The following WDR11 variants were observed in gnomAD, a reference collection of about 807,000 sequenced individuals.
WDR11 encodes WD repeat domain 11.
A neutral mutation model predicts 151.2 loss-of-function variants in WDR11; 83 were observed. The ratio of observed to expected loss-of-function variants is 0.55; its 90% CI spans 0.46 to 0.66. The LOEUF is 0.66. Ranked by LOEUF, WDR11 falls within the 30% of genes least tolerant of loss-of-function variation. WDR11 has a pLI of 0.00. For missense variants in WDR11, 1,301 were observed against 1,480.9 expected, an observed-to-expected ratio of 0.88 and a Z score of 1.99; for synonymous variants, 484 against 533.1, an observed-to-expected ratio of 0.91 and a Z score of 1.27.
intron 13 of WDR11, 69 bp downstream of exon 13, chr10:120,880,970 T>C (rs1846984267): frequency 7.1e-7 from 1 of 1,400,744 alleles, no homozygotes. Context: ...TTTTAATCTT[T>C]AAGAAAATGG....
intron 14 of WDR11, among the ~76,000 whole-genome samples, chr10:120,884,784 G>A (rs1847157520): frequency 6.6e-6 from 1 of 152,050 alleles, no homozygotes; most frequent in African/African-American, 2.4e-5. Context: ...GTGAGAAAAT[G>A]AACAAAGTCT....
chr10:120,872,958 G>A (rs1846600809), intron 10 of WDR11, among the ~76,000 whole-genome samples: 1 of 152,062 alleles, frequency 6.6e-6, no homozygotes. Context: ...ATCATGTGCA[G>A]TGCAAAAGTG....
intron 27 of WDR11, 35 bp from the exon 28 acceptor site, chr10:120,906,741 A>G (rs750686337): frequency 1.2e-6 from 2 of 1,614,048 alleles, no homozygotes; most frequent in East Asian, 4.5e-5. Context: ...GATGTAAATC[A>G]CAAAGCATAA....
At chr10:120,851,835 T>C in intron 1 of WDR11, 1 of 455,336 alleles carries the variant, frequency 2.2e-6, no homozygotes, top group Non-Finnish European at 4.0e-6. Flanking sequence ...CACCATTAAT[T>C]CCCTGTGCAC....
intron 19 of WDR11, among the ~76,000 whole-genome samples, chr10:120,894,529 G>A (rs530007948): frequency 6.6e-6 from 1 of 152,186 alleles, no homozygotes; most frequent in South Asian, 2.1e-4. Flanking sequence ...CTTTTTCACC[G>A]TTCATTGAAT....
At chr10:120,871,377 A>C in intron 10 of WDR11, 31 bp downstream of exon 10, 1 of 1,564,262 alleles carries the variant, frequency 6.4e-7, no homozygotes, top group East Asian at 2.2e-5. Flanking sequence ...TTTTTTTTTT[A>C]ACTCACTTTA....
rs759359064 is a variant in WDR11, at chr10:120,871,367, T to C, written c.1471+21T>C. On this transcript the variant is annotated intron_variant, in intron 10 of 28. Transcript: ENST00000263461. Reference sequence around the variant, plus strand: ...TGTTGGTGAGTATTTGACCTGGTCTTTTTTTTTTTAACTCACTTTATAAGA... The same window carrying C: ...TGTTGGTGAGTATTTGACCTGGTCTCTTTTTTTTTAACTCACTTTATAAGA... 2.5e-6 allele frequency: 4 copies of C among 1,575,800 alleles called. No individual in the cohort carries two copies. The South Asian group carries it at 4.6e-5, about 18-fold the overall frequency.
chr10:120,872,471 A>G (rs1393768989), intron 10 of WDR11, among the ~76,000 whole-genome samples: 1 of 152,198 alleles, frequency 6.6e-6, no homozygotes, highest in Non-Finnish European at 1.5e-5. Context: ...TAGCTATGTA[A>G]TAAGAGCTAT....
intron 5 of WDR11, among the ~76,000 whole-genome samples, chr10:120,863,703 A>G (rs1419899445): frequency 6.6e-6 from 1 of 152,112 alleles, no homozygotes; most frequent in Non-Finnish European, 1.5e-5. Flanking sequence ...TCATTTTCAG[A>G]TAGCCTTTAT....
At chr10:120,903,979 C>T (rs1847937389) in intron 23 of WDR11, 68 bp from the exon 24 acceptor site, 1 of 1,042,358 alleles carries the variant, frequency 9.6e-7, no homozygotes, top group Non-Finnish European at 1.5e-6. Context: ...TTATTAAGTA[C>T]AGTAAAATTT....
intron 4 of WDR11, among the ~76,000 whole-genome samples, chr10:120,860,534 T>C (rs888174632): frequency 6.6e-6 from 1 of 152,212 alleles, no homozygotes; most frequent in Admixed American, 6.5e-5. Flanking sequence ...TTGTGAATAG[T>C]ATTAGACTAG....
At position 120,906,028 on chromosome 10, in the gene WDR11, C is replaced by A; in HGVS notation, c.3437+7C>A. ...TGGCAGAGACGCTTCACAGGTAAAC[C>A]GAGAGTTCACATGGGCTGCTCAGGC... On this transcript the variant is annotated splice_region_variant and intron_variant, in intron 27 of 28. Transcript: ENST00000263461. 1 of 1,613,246 alleles carries A rather than the reference C, an allele frequency of 6.2e-7. No individual in the cohort carries two copies. The highest frequency in any genetic ancestry group is 1.1e-5 in the South Asian group (1 of 91,024).
chr10:120,877,271 G>C (rs112634575), intron 11 of WDR11, among the ~76,000 whole-genome samples: 99 of 152,262 alleles, frequency 6.5e-4, no homozygotes, highest in African/African-American at 2.3e-3. Context: ...CTACTTATCA[G>C]ATAAATGTGA....
intron 4 of WDR11, among the ~76,000 whole-genome samples, chr10:120,861,933 C>T (rs1361519314): frequency 6.6e-6 from 1 of 151,974 alleles, no homozygotes; most frequent in Non-Finnish European, 1.5e-5. Flanking sequence ...AAGAATATTC[C>T]TTAATCATCT....
rs796119460 is a variant in WDR11 at position 120,874,190 on chromosome 10, T to TTTTTTG, written c.1556+269_1556+270insTTTGTT. Among the ~76,000 whole-genome samples, 188 of 105,096 alleles carry TTTTTTG rather than the reference T, an allele frequency of 1.8e-3. 1 individual carries two copies. Among genetic ancestry groups the TTTTTTG allele is most frequent in the Admixed American group, 7.9e-3 (71 of 8,946 alleles). 68.9% of individuals were successfully genotyped at this position (105,096 alleles called of 152,430 possible). The stretch of plus-strand genomic sequence containing the variant: ...CGGTTTTTGCAGTTTTTTTTTTTTT[T>TTTTTTG]TTGTTGTTGTTGTTGTTGTTTGTTT... On this transcript the variant is annotated intron_variant, in intron 11 of 28. Coordinates refer to ENST00000263461, the MANE Select transcript of WDR11 (RefSeq NM_018117.12).
In WDR11 at chr10:120,900,109, G is replaced by A; in HGVS notation, c.2596G>A (p.Gly866Arg). ...KAFLLHQPWN[G>R]QYSLDISHVD... The stretch of plus-strand genomic sequence containing the variant: ...CTTCTTATTACACCAGCCTTGGAAT[G>A]GACAGTATTCTTTGGACATTTCTCA... Residue 866 changes from glycine to arginine, a missense_variant, in exon 20 of 29, where the codon GGA (glycine) becomes AGA (arginine). Coordinates refer to ENST00000263461, the MANE Select transcript of WDR11 (RefSeq NM_018117.12). 2 of 1,613,778 alleles carry A rather than the reference G, an allele frequency of 1.2e-6. No individual in the cohort carries two copies. The highest frequency in any genetic ancestry group is 1.7e-5 in the Admixed American group (1 of 60,024).
intron 2 of WDR11, among the ~76,000 whole-genome samples, chr10:120,856,337 G>C (rs1845944020): frequency 6.6e-6 from 1 of 151,988 alleles, no homozygotes; most frequent in African/African-American, 2.4e-5. Flanking sequence ...CACTCTGGGA[G>C]GCCGAGGTGG....
intron 15 of WDR11, 32 bp from the exon 16 acceptor site, chr10:120,886,657 A>AC: frequency 4.3e-6 from 7 of 1,610,156 alleles, no homozygotes; most frequent in South Asian, 1.1e-5. Context: ...GGAAAAAAAA[A>AC]CATCTTTATC....
At chr10:120,886,555 T>C (rs1847225169) in intron 15 of WDR11, 134 bp from the exon 16 acceptor site, 2 of 1,087,594 alleles carry the variant, frequency 1.8e-6, no homozygotes, top group African/African-American at 1.6e-5. Context: ...TGGGCAAATA[T>C]TAGTTTCAGA....
Sources: allele counts gnomAD v4.1 joint callset (sites outside exome capture counted in the v4.1 genomes callset), GRCh38; gene constraint gnomAD v4.1.1; transcripts MANE v1.5; gene names NCBI Gene and HGNC (gene_info 2026-07-23, HGNC 2026-07-21).